Variants in PPARGC1A observed in about 807,000 individuals in gnomAD.
The protein encoded by PPARGC1A is peroxisome proliferator-activated receptor gamma coactivator 1-alpha.
In PPARGC1A, 25 loss-of-function variants were observed where a neutral mutation model predicts 88.7. The ratio of observed to expected loss-of-function variants is 0.28; its 90% CI spans 0.21 to 0.39. The LOEUF (loss-of-function observed/expected upper bound fraction) is 0.39, where lower values mean the gene tolerates loss of function less well. Ranked by LOEUF, PPARGC1A falls within the 10% of genes least tolerant of loss-of-function variation. The probability of loss-of-function intolerance (pLI) is 1.00; values close to 1 mark genes in which losing one functional copy is unlikely to be tolerated. For synonymous variants in PPARGC1A, 363 were observed against 355.6 expected, an observed-to-expected ratio of 1.02 and a Z score of -0.24; for missense variants, 880 against 968.7, an observed-to-expected ratio of 0.91 and a Z score of 1.22.
At chr4:23,988,970 T>C in the PPARGC1A span, among the ~76,000 whole-genome samples, 1 of 147,726 alleles carries the variant, frequency 6.8e-6, no homozygotes, top group Non-Finnish European at 1.5e-5. Flanking sequence ...ATGTAATATA[T>C]ACTATACATA....
the PPARGC1A span, among the ~76,000 whole-genome samples, chr4:23,923,376 C>T: frequency 7.2e-5 from 11 of 152,186 alleles, no homozygotes; most frequent in Middle Eastern, 3.4e-3. Flanking sequence ...AACCTGTTCA[C>T]GTGCTCAATC....
At chr4:24,317,197 A>G in the PPARGC1A span, among the ~76,000 whole-genome samples, 3 of 151,984 alleles carry the variant, frequency 2.0e-5, no homozygotes, top group East Asian at 5.8e-4. Flanking sequence ...ACTCAACTCT[A>G]TTTATTCATG....
At chr4:24,346,462 T>C in the PPARGC1A span, among the ~76,000 whole-genome samples, 6 of 152,100 alleles carry the variant, frequency 3.9e-5, no homozygotes, top group Non-Finnish European at 7.4e-5. Context: ...TCGCTGCTTG[T>C]TTTTGGTCTG....
chr4:23,978,960 A>G, the PPARGC1A span, among the ~76,000 whole-genome samples: 3 of 152,228 alleles, frequency 2.0e-5, no homozygotes, highest in Non-Finnish European at 2.9e-5. Flanking sequence ...TATATGCAAC[A>G]TAGAAACAAG....
At chr4:23,907,600 G>A (rs955816256), upstream of PPARGC1A, among the ~76,000 whole-genome samples, 4 of 152,046 alleles carry the variant, frequency 2.6e-5, no homozygotes, top group Admixed American at 6.6e-5. Flanking sequence ...TTTCCATCTC[G>A]AAAATGGGGA....
the PPARGC1A span, among the ~76,000 whole-genome samples, chr4:24,408,566 T>G: frequency 6.6e-6 from 1 of 152,228 alleles, no homozygotes; most frequent in Non-Finnish European, 1.5e-5. Context: ...CCTTGCAGCT[T>G]CTACACAAGT....
the PPARGC1A span, among the ~76,000 whole-genome samples, chr4:24,322,365 T>C: frequency 1.3e-5 from 2 of 152,230 alleles, no homozygotes; most frequent in Admixed American, 6.5e-5. Context: ...TTCGCTACAA[T>C]GGAGAAGCAG....
At chr4:24,104,378 T>C in the PPARGC1A span, among the ~76,000 whole-genome samples, 3 of 152,210 alleles carry the variant, frequency 2.0e-5, no homozygotes, top group Non-Finnish European at 2.9e-5. Flanking sequence ...AATTCTCCTC[T>C]GTCAACAACC....
At chr4:24,404,542 A>C in the PPARGC1A span, among the ~76,000 whole-genome samples, 18 of 152,226 alleles carry the variant, frequency 1.2e-4, no homozygotes, top group African/African-American at 4.3e-4. Context: ...GATATATATT[A>C]AAAACAGTGC....
the PPARGC1A span, among the ~76,000 whole-genome samples, chr4:24,315,508 C>T: frequency 2.0e-5 from 3 of 152,168 alleles, no homozygotes; most frequent in African/African-American, 7.2e-5. Flanking sequence ...CAGAAGTGCA[C>T]CTGAGAGGTG....
the PPARGC1A span, among the ~76,000 whole-genome samples, chr4:24,382,989 C>A: frequency 6.6e-6 from 1 of 152,186 alleles, no homozygotes; most frequent in East Asian, 1.9e-4. Flanking sequence ...CAGGAGAGCT[C>A]CAGCTGGCTG....
At chr4:23,959,088 G>C in the PPARGC1A span, among the ~76,000 whole-genome samples, 2 of 151,508 alleles carry the variant, frequency 1.3e-5, no homozygotes, top group Admixed American at 6.6e-5. Context: ...GCTCAGTTCT[G>C]TTCCAAACAG....
the PPARGC1A span, among the ~76,000 whole-genome samples, chr4:23,953,517 T>G: frequency 2.0e-5 from 3 of 152,246 alleles, no homozygotes; most frequent in East Asian, 5.8e-4. Context: ...AATGATCAGC[T>G]TTTTGTCTTT....
chr4:23,935,780 G>A, the PPARGC1A span, among the ~76,000 whole-genome samples: 5 of 152,138 alleles, frequency 3.3e-5, no homozygotes, highest in African/African-American at 1.2e-4. Flanking sequence ...CAGGAAGTCA[G>A]GATTCAAACT....
chr4:23,798,570 T>C (rs1400024040), intron 12 of PPARGC1A, among the ~76,000 whole-genome samples: 1 of 152,222 alleles, frequency 6.6e-6, no homozygotes, highest in Non-Finnish European at 1.5e-5. Flanking sequence ...ATGAATAATT[T>C]ATAATGTATG....
At chr4:24,072,715 G>C in the PPARGC1A span, among the ~76,000 whole-genome samples, 1 of 152,152 alleles carries the variant, frequency 6.6e-6, no homozygotes, top group East Asian at 1.9e-4. Context: ...TAGAGCTTTT[G>C]TTAAGGCAAA....
the PPARGC1A span, among the ~76,000 whole-genome samples, chr4:23,977,514 TGA>T: frequency 6.6e-6 from 1 of 152,132 alleles, no homozygotes; most frequent in African/African-American, 2.4e-5. Flanking sequence ...AGGGCTACAA[TGA>T]GAGAAAAATT....
the PPARGC1A span, among the ~76,000 whole-genome samples, chr4:24,097,855 G>T: frequency 6.6e-6 from 1 of 152,058 alleles, no homozygotes; most frequent in East Asian, 1.9e-4. Flanking sequence ...ATGGTTTTAT[G>T]GCCAATTGAA....
the PPARGC1A span, among the ~76,000 whole-genome samples, chr4:24,346,579 C>G: frequency 6.6e-6 from 1 of 152,038 alleles, no homozygotes; most frequent in Non-Finnish European, 1.5e-5. Flanking sequence ...TTCATAGTAG[C>G]CTTGAATCAT....
Sources: gnomAD v4.1 joint callset for allele counts (sites outside exome capture counted in the v4.1 genomes callset) on GRCh38, gnomAD v4.1.1 for gene constraint, MANE v1.5 for transcripts, NCBI Gene and HGNC (gene_info 2026-07-23, HGNC 2026-07-21) for gene names.